The following POLA1 variants were observed in gnomAD, a reference collection of about 807,000 sequenced individuals.
The protein encoded by POLA1 is DNA polymerase alpha catalytic subunit.
Under a neutral mutation model 124.0 loss-of-function variants are expected in POLA1, and 15 were observed. The ratio of observed to expected loss-of-function variants is 0.12; its 90% CI spans 0.08 to 0.19. The LOEUF (loss-of-function observed/expected upper bound fraction) is 0.19. POLA1 is among the 10% of genes least tolerant of loss of function. POLA1 has a pLI of 1.00. For synonymous variants in POLA1, 408 were observed against 389.4 expected, an observed-to-expected ratio of 1.05 and a Z score of -0.56; for missense variants, 886 against 1,103.4, an observed-to-expected ratio of 0.80 and a Z score of 2.79.
At chrX:24,929,539 G>T in intron 35 of POLA1, among the ~76,000 whole-genome samples, 1 of 112,246 alleles carries the variant, frequency 8.9e-6, no homozygotes, top group East Asian at 2.8e-4. Flanking sequence ...ACCAAAGCTT[G>T]AGCTCATTGT....
intron 4 of POLA1, among the ~76,000 whole-genome samples, chrX:24,713,478 G>A (rs766967845): frequency 3.6e-5 from 4 of 110,395 alleles, no homozygotes; most frequent in African/African-American, 9.9e-5. Flanking sequence ...GTGCAGTGGC[G>A]CGATCCCAGC....
intron 30 of POLA1, among the ~76,000 whole-genome samples, chrX:24,818,268 T>C (rs1033868408): frequency 5.4e-5 from 6 of 110,812 alleles, no homozygotes; most frequent in Non-Finnish European, 7.6e-5. Context: ...CATCTAATAA[T>C]TGGAAAGTAT....
intron 36 of POLA1, among the ~76,000 whole-genome samples, chrX:24,941,592 A>G (rs993323469): frequency 4.4e-5 from 5 of 112,533 alleles, no homozygotes; most frequent in Non-Finnish European, 9.4e-5. Context: ...TCTGGTTCAT[A>G]TAATGCTACC....
At chrX:24,883,858 T>C (rs960741220) in intron 34 of POLA1, among the ~76,000 whole-genome samples, 1 of 111,728 alleles carries the variant, frequency 9.0e-6, no homozygotes, top group Non-Finnish European at 1.9e-5. Flanking sequence ...CAAATCTTTT[T>C]ATAGGTTGAG....
At chrX:24,718,726 G>C (rs1930007956) in intron 10 of POLA1, among the ~76,000 whole-genome samples, 1 of 112,041 alleles carries the variant, frequency 8.9e-6, no homozygotes, top group African/African-American at 3.3e-5. Context: ...CACACGTGGA[G>C]GGATGGGCTG....
chrX:24,930,323 T>G, intron 35 of POLA1, 130 bp from the exon 36 acceptor site: 1 of 484,403 alleles, frequency 2.1e-6, no homozygotes, highest in South Asian at 3.1e-5. Context: ...TCTGCCCTTC[T>G]TACCCACTTT....
intron 36 of POLA1, among the ~76,000 whole-genome samples, chrX:24,977,390 A>C (rs1269123150): frequency 1.8e-5 from 2 of 112,556 alleles, no homozygotes; most frequent in African/African-American, 6.5e-5. Flanking sequence ...GTTGCTTTTG[A>C]AAAGTTGAAA....
At chrX:24,948,700 A>G (rs1367511318) in intron 36 of POLA1, among the ~76,000 whole-genome samples, 2 of 112,600 alleles carry the variant, frequency 1.8e-5, no homozygotes, top group African/African-American at 6.4e-5. Context: ...AAACCTTTTA[A>G]ATTGAATGTG....
At chrX:24,947,587 A>G (rs759736302) in intron 36 of POLA1, among the ~76,000 whole-genome samples, 1 of 111,287 alleles carries the variant, frequency 9.0e-6, no homozygotes, top group East Asian at 2.8e-4. Context: ...AGATTTTTCT[A>G]GTGATTCACA....
chrX:24,847,050 G>A (rs2046486286), intron 34 of POLA1, among the ~76,000 whole-genome samples: 1 of 111,870 alleles, frequency 8.9e-6, no homozygotes, highest in African/African-American at 3.3e-5. Context: ...TTTGGAAATG[G>A]GAAGAATAGG....
At chrX:24,713,252 C>T (rs1051310946) in intron 4 of POLA1, among the ~76,000 whole-genome samples, 9 of 111,212 alleles carry the variant, frequency 8.1e-5, no homozygotes, top group South Asian at 7.6e-4. Context: ...CGTGAGCCAC[C>T]GCGCCTGGCC....
At chrX:24,894,485 A>G (rs2047180156) in intron 35 of POLA1, among the ~76,000 whole-genome samples, 1 of 112,455 alleles carries the variant, frequency 8.9e-6, no homozygotes, top group Admixed American at 9.4e-5. Flanking sequence ...ATAGAAATGT[A>G]TTACAGCTCT....
At chrX:24,910,942 G>T (rs1211559719) in intron 35 of POLA1, among the ~76,000 whole-genome samples, 6 of 112,131 alleles carry the variant, frequency 5.4e-5, no homozygotes, top group African/African-American at 1.9e-4. Context: ...CTTTTCAAGT[G>T]TACATGGAAC....
chrX:24,789,742 A>G, intron 26 of POLA1, among the ~76,000 whole-genome samples: 1 of 112,434 alleles, frequency 8.9e-6, no homozygotes, highest in Non-Finnish European at 1.9e-5. Context: ...TAGCTATGAC[A>G]AAGAACAGCC....
chrX:24,928,482 C>T (rs920474653), intron 35 of POLA1, among the ~76,000 whole-genome samples: 1 of 112,438 alleles, frequency 8.9e-6, no homozygotes, highest in African/African-American at 3.2e-5. Context: ...TCCTAATTTA[C>T]TCCAATTTGT....
At chrX:24,895,716 G>T (rs2047197901) in intron 35 of POLA1, among the ~76,000 whole-genome samples, 1 of 112,116 alleles carries the variant, frequency 8.9e-6, no homozygotes, top group Non-Finnish European at 1.9e-5. Context: ...ATTCTGCCAT[G>T]TACCCAGCCA....
intron 36 of POLA1, among the ~76,000 whole-genome samples, chrX:24,990,402 C>T (rs1323579868): frequency 8.9e-6 from 1 of 112,372 alleles, no homozygotes; most frequent in Non-Finnish European, 1.9e-5. Flanking sequence ...GCTTCTCTGC[C>T]ACCTCTTCAG....
At chrX:24,709,593 C>T (rs1490131210) in intron 4 of POLA1, among the ~76,000 whole-genome samples, 5 of 99,467 alleles carry the variant, frequency 5.0e-5, no homozygotes, top group East Asian at 3.5e-4. Context: ...ACTTCTCAGA[C>T]GGGGCAGCTG....
At chrX:24,724,891 A>G (rs1367109504) in intron 12 of POLA1, among the ~76,000 whole-genome samples, 2 of 112,153 alleles carry the variant, frequency 1.8e-5, no homozygotes, top group African/African-American at 3.2e-5. Context: ...GCTAGTTATG[A>G]TACATTGTCT....
Sources: gnomAD v4.1 joint callset for allele counts (sites outside exome capture counted in the v4.1 genomes callset) on GRCh38, gnomAD v4.1.1 for gene constraint, MANE v1.5 for transcripts, NCBI Gene and HGNC (gene_info 2026-07-23, HGNC 2026-07-21) for gene names.